The following CELF2 variants were observed in gnomAD, a reference collection of about 807,000 sequenced individuals.
CELF2 encodes the protein CUG triplet repeat RNA-binding protein 2.
A neutral mutation model predicts 62.6 loss-of-function variants in CELF2; 8 were observed. The ratio of observed to expected loss-of-function variants is 0.13; its 90% CI spans 0.07 to 0.23. The LOEUF (loss-of-function observed/expected upper bound fraction) is 0.23, where lower values mean the gene tolerates loss of function less well. CELF2 is among the 10% of genes least tolerant of loss of function. CELF2 has a pLI of 1.00. For synonymous variants in CELF2, 258 were observed against 250.0 expected (o/e 1.03, Z -0.30); for missense variants, 333 against 671.0 (o/e 0.50, Z 5.56).
At chr10:11,188,695 A>G (rs756433941) in intron 2 of CELF2, among the ~76,000 whole-genome samples, 1 of 151,614 alleles carries the variant, frequency 6.6e-6, no homozygotes, top group African/African-American at 2.4e-5. Flanking sequence ...AATTTGGAAA[A>G]CTTTCATCCC....
chr10:10,924,733 T>TTTC (rs2065293131), intron 2 of CELF2, among the ~76,000 whole-genome samples: 1 of 147,512 alleles, frequency 6.8e-6, no homozygotes, highest in Admixed American at 6.7e-5. Context: ...GCTTTTTTTT[T>TTTC]TTTTTTTTTG....
At chr10:10,737,039 C>A in the CELF2 span, among the ~76,000 whole-genome samples, 1 of 151,978 alleles carries the variant, frequency 6.6e-6, no homozygotes, top group African/African-American at 2.4e-5. Context: ...GACCCTATGA[C>A]GGATGAGCCA....
Position 11,029,750 on chromosome 10 carries a change from G to C in CELF2, c.74+11587G>C, listed in dbSNP as rs1024731205. 3.9e-5 allele frequency among the ~76,000 whole-genome samples: 6 copies of C among 152,338 alleles called. No individual in the cohort carries two copies. In the East Asian group the frequency reaches 1.2e-3, roughly 29 times the overall value. ...TTTGGAGAAGAGGGCCAGCCACACA[G>C]ATACTACAAATGTTTCTGTACAAAT... is the stretch of plus-strand genomic sequence containing the variant. On this transcript the variant is annotated intron_variant, in intron 1 of 12. Transcript: ENST00000633077.
In CELF2 at chr10:11,097,744, G is replaced by A. The variant is rs927309915; in HGVS notation, c.75-67742G>A. On this transcript the variant is annotated intron_variant, in intron 1 of 12. Transcript: ENST00000633077. ...TCCTCCTGGGTACCTGAGTTTCTAC[G>A]GGGTTTTCCTCACACTGTACTCAAC... is the stretch of plus-strand genomic sequence containing the variant. 2.6e-5 allele frequency among the ~76,000 whole-genome samples: 4 copies of A among 152,260 alleles called. No individual in the cohort carries two copies. The South Asian group carries it at 6.2e-4, about 24-fold the overall frequency.
At chr10:10,901,712 G>A (rs1343050828) in intron 1 of CELF2, among the ~76,000 whole-genome samples, 2 of 152,000 alleles carry the variant, frequency 1.3e-5, no homozygotes, top group Non-Finnish European at 2.9e-5. Flanking sequence ...ATAAGAGAAT[G>A]AAAAAAGAAG....
At chr10:10,631,025 A>G in the CELF2 span, among the ~76,000 whole-genome samples, 1 of 152,194 alleles carries the variant, frequency 6.6e-6, no homozygotes, top group Non-Finnish European at 1.5e-5. Context: ...ATACACCTTA[A>G]GATTCTCAAC....
intron 2 of CELF2, among the ~76,000 whole-genome samples, chr10:10,941,091 A>T (rs1214461537): frequency 6.6e-6 from 1 of 152,250 alleles, no homozygotes; most frequent in East Asian, 1.9e-4. Context: ...ACAGAAAAGC[A>T]GCATTGAGCA....
chr10:10,629,839 A>G, the CELF2 span, among the ~76,000 whole-genome samples: 1 of 136,294 alleles, frequency 7.3e-6, no homozygotes, highest in Non-Finnish European at 1.5e-5. Flanking sequence ...TAGGCAAACC[A>G]TTGCAAAGCA....
the CELF2 span, among the ~76,000 whole-genome samples, chr10:10,509,769 A>C: frequency 6.6e-6 from 1 of 152,350 alleles, no homozygotes; most frequent in South Asian, 2.1e-4. Flanking sequence ...GCTTTGGTGC[A>C]GTTGTGGAAA....
the CELF2 span, among the ~76,000 whole-genome samples, chr10:10,755,504 G>T: frequency 6.6e-6 from 1 of 152,150 alleles, no homozygotes; most frequent in Non-Finnish European, 1.5e-5. Context: ...AGTCTCTATG[G>T]CTCTGCTCTC....
the CELF2 span, among the ~76,000 whole-genome samples, chr10:10,647,487 T>A: frequency 6.6e-6 from 1 of 152,230 alleles, no homozygotes; most frequent in Non-Finnish European, 1.5e-5. Flanking sequence ...GAGCCATTGT[T>A]CCACAGCCAA....
the CELF2 span, among the ~76,000 whole-genome samples, chr10:10,766,434 C>G: frequency 1.3e-5 from 2 of 152,246 alleles, no homozygotes; most frequent in African/African-American, 4.8e-5. Context: ...GAAGGGAGAG[C>G]CATATTTTGG....
At chr10:10,562,808 TACCTCCCTGCCCTCCACAGCC>T in the CELF2 span, among the ~76,000 whole-genome samples, 1 of 147,086 alleles carries the variant, frequency 6.8e-6, no homozygotes, top group African/African-American at 2.6e-5. Context: ...CTCCACAGCC[TACCTCCCTGCCCTCCACAGCC>T]GTATGCTCCG....
chr10:11,236,210 C>T (rs757973844), intron 3 of CELF2, among the ~76,000 whole-genome samples: 4 of 152,118 alleles, frequency 2.6e-5, no homozygotes, highest in Non-Finnish European at 5.9e-5. Flanking sequence ...ATGAAATGCC[C>T]GTATCCTGTC....
rs771606196 is a variant in CELF2, at chr10:11,314,323, G to C, written c.1096+65G>C. 1 of 1,611,408 alleles carries C rather than the reference G, an allele frequency of 6.2e-7. No homozygotes were observed. Among genetic ancestry groups the C allele is most frequent in the Non-Finnish European group, 8.5e-7 (1 of 1,177,632 alleles). On this transcript the variant is annotated intron_variant, in intron 10 of 12. Coordinates refer to ENST00000633077, the MANE Select transcript of CELF2 (RefSeq NM_001326342.2). The surrounding 1 kb of genome is among the most constrained non-coding windows in gnomAD (Gnocchi z 5.3). ...CCTTCCCCCAAATTCTCCACAGAAAGTGGTCAGCCAGAAATGACCCGAAAA... is the reference window on the plus strand; with the variant it reads ...CCTTCCCCCAAATTCTCCACAGAAACTGGTCAGCCAGAAATGACCCGAAAA...
At chr10:10,573,302 T>C in the CELF2 span, among the ~76,000 whole-genome samples, 1 of 152,236 alleles carries the variant, frequency 6.6e-6, no homozygotes, top group African/African-American at 2.4e-5. Flanking sequence ...ACTCTGCTGG[T>C]TGCCTGTTCA....
intron 2 of CELF2, among the ~76,000 whole-genome samples, chr10:10,939,959 A>G (rs1310647945): frequency 6.6e-6 from 1 of 152,194 alleles, no homozygotes; most frequent in Non-Finnish European, 1.5e-5. Context: ...ATCTCAAAAA[A>G]TAAAGAAAAA....
chr10:10,613,808 G>A, the CELF2 span, among the ~76,000 whole-genome samples: 3 of 152,106 alleles, frequency 2.0e-5, no homozygotes, highest in Non-Finnish European at 4.4e-5. Flanking sequence ...TATGATTATG[G>A]CGAGATAATC....
At position 11,157,541 on chromosome 10, in the gene CELF2, T is replaced by G. The variant is rs746963997; in HGVS notation, c.75-7945T>G. ...TTATTTATTGCTCTATTATAGGCCT[T>G]ATACCACATTGGTTTTGGTTTTATG... On this transcript the variant is annotated intron_variant, in intron 1 of 12. Transcript: ENST00000633077. This position sits in a 1 kb window ranked among gnomAD's most constrained non-coding sequence, Gnocchi z 4.9. 1.3e-4 allele frequency among the ~76,000 whole-genome samples: 20 copies of G among 152,308 alleles called. No individual in the cohort carries two copies. The highest frequency in any genetic ancestry group is 6.8e-3 in the Middle Eastern group (2 of 294).
Sources: allele counts gnomAD v4.1 joint callset (sites outside exome capture counted in the v4.1 genomes callset), GRCh38; gene constraint gnomAD v4.1.1; non-coding constraint Gnocchi (gnomAD v3.1); transcripts MANE v1.5; gene names NCBI Gene and HGNC (gene_info 2026-07-23, HGNC 2026-07-21).